The following STOX2 variants were observed in gnomAD, a reference collection of about 807,000 sequenced individuals.
STOX2 encodes the protein storkhead box 2, also known as storkhead-box protein 2.
Under a neutral mutation model 60.9 loss-of-function variants are expected in STOX2, and 28 were observed. The observed-to-expected ratio is 0.46, with a 90% confidence interval of 0.34 to 0.63. STOX2 has a LOEUF of 0.63. Ranked by LOEUF, STOX2 falls within the 30% of genes least tolerant of loss-of-function variation. STOX2 has a pLI of 0.01. For missense variants in STOX2, 1,024 were observed against 1,187.7 expected, an observed-to-expected ratio of 0.86 and a Z score of 2.03; for synonymous variants, 472 against 463.9, an observed-to-expected ratio of 1.02 and a Z score of -0.22.
chr4:183,930,491 C>T (rs1742388862), intron 1 of STOX2, among the ~76,000 whole-genome samples: 2 of 149,618 alleles, frequency 1.3e-5, no homozygotes, highest in South Asian at 2.1e-4. Flanking sequence ...AGGTGTGTGC[C>T]ACCATGCCCC....
Position 184,009,102 on chromosome 4 carries a change from G to C in STOX2, c.320-56G>C, listed in dbSNP as rs1172923880. 1 of 1,304,048 alleles carries C rather than the reference G, an allele frequency of 7.7e-7. No individual in the cohort carries two copies. The highest frequency in any genetic ancestry group is 1.5e-5 in the African/African-American group (1 of 66,790). 80.8% of individuals were successfully genotyped at this position (1,304,048 alleles called of 1,614,324 possible). A position where few individuals can be genotyped will look rare whatever the true frequency, so the allele number is the denominator to read the frequency against. On this transcript the variant is annotated intron_variant, in intron 2 of 3. Coordinates refer to ENST00000308497, the MANE Select transcript of STOX2 (RefSeq NM_020225.3). This position sits in a 1 kb window ranked among gnomAD's most constrained non-coding sequence, Gnocchi z 4.0. ...GAATGAATAGGATCCTGGAAATCAG[G>C]AATCCACATGTTCTGTCTTCATTCT...
chr4:183,952,844 A>C lies in STOX2; in HGVS notation c.166+45888A>C, dbSNP rs200700453. On this transcript the variant is annotated intron_variant, in intron 1 of 3. Transcript: ENST00000308497. Reference sequence around the variant, plus strand: ...TATAAAGTGTGGTGTTTCCCCATGGAATACTATGCAGCCATAAAAAAGGAT... The same window carrying C: ...TATAAAGTGTGGTGTTTCCCCATGGCATACTATGCAGCCATAAAAAAGGAT... Among the ~76,000 whole-genome samples the C allele has an allele frequency of 4.5e-4, 68 of 151,794 alleles. 1 individual carries two copies. The East Asian group carries it at 0.011, about 24-fold the overall frequency.
intron 1 of STOX2, among the ~76,000 whole-genome samples, chr4:183,818,869 G>C (rs993637372): frequency 6.6e-6 from 1 of 152,078 alleles, no homozygotes; most frequent in Non-Finnish European, 1.5e-5. Context: ...CATCCCAGAC[G>C]GGGTGGTGGG....
intron 1 of STOX2, among the ~76,000 whole-genome samples, chr4:183,955,826 T>C (rs1743231859): frequency 6.6e-6 from 1 of 152,146 alleles, no homozygotes; most frequent in South Asian, 2.1e-4. Flanking sequence ...TTGGAAGTTC[T>C]GTGGGAGGTG....
intron 1 of STOX2, among the ~76,000 whole-genome samples, chr4:183,989,676 TATTTC>T (rs1733014187): frequency 1.3e-5 from 2 of 152,200 alleles, no homozygotes; most frequent in Admixed American, 1.3e-4. Flanking sequence ...GAAGTAAGCA[TATTTC>T]ATCATAGTCT....
At chr4:183,895,577 C>T (rs1031823679) in intron 1 of STOX2, among the ~76,000 whole-genome samples, 3 of 152,222 alleles carry the variant, frequency 2.0e-5, no homozygotes, top group East Asian at 1.9e-4. Context: ...ATTTTATATT[C>T]GACACAGTTC....
At chr4:184,006,867 T>G (rs1326428725) in intron 2 of STOX2, among the ~76,000 whole-genome samples, 1 of 150,222 alleles carries the variant, frequency 6.7e-6, no homozygotes, top group East Asian at 1.9e-4. Flanking sequence ...ATACAAAAAA[T>G]TAGCTGGGCG....
chr4:183,955,190 C>T (rs1490827286), intron 1 of STOX2, among the ~76,000 whole-genome samples: 3 of 152,180 alleles, frequency 2.0e-5, no homozygotes, highest in African/African-American at 7.2e-5. Context: ...ACCTCACCTC[C>T]CTTTATCTTC....
intron 1 of STOX2, among the ~76,000 whole-genome samples, chr4:183,982,254 C>T (rs1732681140): frequency 6.6e-6 from 1 of 152,208 alleles, no homozygotes; most frequent in African/African-American, 2.4e-5. Context: ...ATTTAAGTAA[C>T]AGAATAGCCA....
chr4:184,022,949 T>C lies in STOX2; in HGVS notation c.*5665T>C, dbSNP rs1560954518. On this transcript the variant is annotated 3_prime_UTR_variant, in exon 4 of 4. Coordinates refer to ENST00000308497, the MANE Select transcript of STOX2 (RefSeq NM_020225.3). ...CTACAAATTAAAGTCCTTAGAGCAG[T>C]TGACACAGATACTACGTTCTAGAAG... 6.6e-6 allele frequency: 1 copy of C among 152,204 alleles called. No homozygotes were observed. The highest frequency in any genetic ancestry group is 1.5e-5 in the Non-Finnish European group (1 of 68,044). 9.4% of individuals were successfully genotyped at this position (152,204 alleles called of 1,614,324 possible). A position where few individuals can be genotyped will look rare whatever the true frequency, so the allele number is the denominator to read the frequency against.
At chr4:183,869,209 A>G (rs913442807) in intron 1 of STOX2, among the ~76,000 whole-genome samples, 6 of 152,192 alleles carry the variant, frequency 3.9e-5, no homozygotes, top group Non-Finnish European at 8.8e-5. Context: ...TTATAACACA[A>G]TTTTCCATGA....
At chr4:183,859,625 T>C (rs1740384467) in intron 1 of STOX2, among the ~76,000 whole-genome samples, 1 of 152,216 alleles carries the variant, frequency 6.6e-6, no homozygotes, top group Non-Finnish European at 1.5e-5. Context: ...AGGACAGTTT[T>C]GATGAGACAA....
intron 1 of STOX2, among the ~76,000 whole-genome samples, chr4:183,839,049 GCACA>G (rs369296969): frequency 6.7e-5 from 10 of 148,570 alleles, no homozygotes; most frequent in East Asian, 3.9e-4. Context: ...AGGTACACAT[GCACA>G]CACACACACA....
intron 1 of STOX2, among the ~76,000 whole-genome samples, chr4:183,911,194 G>C (rs143264782): frequency 1.4e-3 from 211 of 152,220 alleles, no homozygotes; most frequent in African/African-American, 4.9e-3. Flanking sequence ...TTTGGAGTCA[G>C]GTGCCTCCTG....
chr4:183,942,771 T>C (rs1006509799), intron 1 of STOX2, among the ~76,000 whole-genome samples: 3 of 152,226 alleles, frequency 2.0e-5, no homozygotes, highest in Non-Finnish European at 4.4e-5. Context: ...GCCATATTTA[T>C]AAAGATTTTC....
At chr4:183,909,591 C>A in intron 1 of STOX2, among the ~76,000 whole-genome samples, 1 of 152,242 alleles carries the variant, frequency 6.6e-6, no homozygotes, top group South Asian at 2.1e-4. Context: ...AGACCCCCTC[C>A]CTCAACAAAT....
At position 183,926,418 on chromosome 4, in the gene STOX2, G is replaced by T. The variant is rs967423510; in HGVS notation, c.166+19462G>T. 2.6e-5 allele frequency among the ~76,000 whole-genome samples: 4 copies of T among 152,188 alleles called. 1 individual carries two copies. Among genetic ancestry groups the T allele is most frequent in the Non-Finnish European group, 5.9e-5 (4 of 68,026 alleles). ...CTTATTGAGGCCCTCATAGGAGCCAGTGATATTCTTTCATTTAATACAACA... is the reference window on the plus strand; with the variant it reads ...CTTATTGAGGCCCTCATAGGAGCCATTGATATTCTTTCATTTAATACAACA... On this transcript the variant is annotated intron_variant, in intron 1 of 3. Transcript: ENST00000308497.
chr4:184,023,437 T>C lies in STOX2; in HGVS notation c.*6153T>C, dbSNP rs988436394. The C allele has an allele frequency of 6.6e-6, 1 of 152,238 alleles. No individual in the cohort carries two copies. The highest frequency in any genetic ancestry group is 1.9e-4 in the East Asian group (1 of 5,194). 9.4% of individuals were successfully genotyped at this position (152,238 alleles called of 1,614,324 possible). ...ATTTGAAAGTCCCTCCCTATGGTGA[T>C]ACTGTGTTCATGTTGTTTATGTAGT... On this transcript the variant is annotated 3_prime_UTR_variant, in exon 4 of 4. Transcript: ENST00000308497.
At chr4:183,846,740 A>G (rs911189523) in intron 1 of STOX2, among the ~76,000 whole-genome samples, 6 of 152,096 alleles carry the variant, frequency 3.9e-5, no homozygotes, top group African/African-American at 1.4e-4. Flanking sequence ...ATCTTTGCCT[A>G]GTAAGTTCAA....
Sources: allele counts gnomAD v4.1 joint callset (sites outside exome capture counted in the v4.1 genomes callset), GRCh38; gene constraint gnomAD v4.1.1; non-coding constraint Gnocchi (gnomAD v3.1); transcripts MANE v1.5; gene names NCBI Gene and HGNC (gene_info 2026-07-23, HGNC 2026-07-21).